The following PAPSS1 variants were observed in gnomAD, a reference collection of about 807,000 sequenced individuals.
PAPSS1 encodes the protein bifunctional 3'-phosphoadenosine 5'-phosphosulfate synthase 1.
PAPSS1 carries 50 observed loss-of-function variants against 72.0 expected under a neutral mutation model. The ratio of observed to expected loss-of-function variants is 0.69; its 90% CI spans 0.55 to 0.88. The LOEUF is 0.88. Ranked by LOEUF, PAPSS1 falls within the 40% of genes least tolerant of loss-of-function variation. The pLI is 0.00. For missense variants in PAPSS1, 657 were observed against 782.2 expected (o/e 0.84, Z 1.91); for synonymous variants, 261 against 263.6 (o/e 0.99, Z 0.09).
At chr4:107,626,316 C>T (rs770508043) in intron 11 of PAPSS1, among the ~76,000 whole-genome samples, 4 of 152,282 alleles carry the variant, frequency 2.6e-5, no homozygotes, top group Non-Finnish European at 5.9e-5. Context: ...CACTCTCACT[C>T]GTGTGTACTG....
chr4:107,693,820 GCAAA>G lies in PAPSS1; in HGVS notation c.358_361del (p.Phe120GlnfsTer5). On this transcript the variant is annotated frameshift_variant, in exon 3 of 12. Transcript: ENST00000265174. LOFTEE classifies it high-confidence loss of function. ...TGTGATGCACACTAAGCCAGCATCT[GCAAA>G]CAGTTTAGCAACTTCTGCGATGCGT... 6.2e-7 allele frequency: 1 copy of G among 1,613,914 alleles called. No homozygotes were observed. The highest frequency in any genetic ancestry group is 1.1e-5 in the South Asian group (1 of 91,084).
intron 2 of PAPSS1, among the ~76,000 whole-genome samples, chr4:107,696,474 C>G (rs1024071073): frequency 6.6e-6 from 1 of 152,124 alleles, no homozygotes; most frequent in Non-Finnish European, 1.5e-5. Context: ...AACACAGGAA[C>G]AGAACACCAA....
rs754005586 is a variant in PAPSS1 at position 107,654,777 on chromosome 4, T to C, written c.1019A>G (p.Asn340Ser). 20 of 1,614,028 alleles carry C rather than the reference T, an allele frequency of 1.2e-5. No homozygotes were observed. The highest frequency in any genetic ancestry group is 1.6e-5 in the Non-Finnish European group (19 of 1,179,936). ...YEGRRVAILR[N>S]PEFFEHRKEE... is the part of the protein sequence containing the mutation. ...TTTCCTGTGCTCAAAAAACTCTGGA[T>C]TGCGAAGAATGGCCACACGGCGGCC... Residue 340 changes from asparagine (N) to serine (S), a missense_variant, in exon 8 of 12, where the codon AAT becomes AGT. By Grantham distance (46) the Asn-to-Ser change is conservative (BLOSUM62 1). Transcript: ENST00000265174.
intron 2 of PAPSS1, among the ~76,000 whole-genome samples, chr4:107,698,231 T>A (rs955074099): frequency 1.3e-5 from 2 of 152,112 alleles, no homozygotes; most frequent in Admixed American, 6.6e-5. Flanking sequence ...ACTCAATAGC[T>A]TGGGCAGATC....
intron 3 of PAPSS1, among the ~76,000 whole-genome samples, chr4:107,692,796 A>C (rs1460534388): frequency 2.0e-5 from 3 of 152,058 alleles, no homozygotes; most frequent in Admixed American, 1.3e-4. Context: ...ATATATATAT[A>C]TCATGGAATA....
intron 1 of PAPSS1, among the ~76,000 whole-genome samples, chr4:107,703,619 T>C (rs1723262778): frequency 1.3e-5 from 2 of 152,168 alleles, no homozygotes; most frequent in Admixed American, 1.3e-4. Context: ...GACTGTCCTC[T>C]CCCCATCATG....
intron 5 of PAPSS1, among the ~76,000 whole-genome samples, chr4:107,681,152 T>C (rs1722580836): frequency 6.6e-6 from 1 of 151,898 alleles, no homozygotes; most frequent in African/African-American, 2.4e-5. Flanking sequence ...TGAAAGAGGT[T>C]TATTACAGGA....
intron 4 of PAPSS1, among the ~76,000 whole-genome samples, chr4:107,683,253 A>C (rs1722682536): frequency 6.6e-6 from 1 of 151,700 alleles, no homozygotes; most frequent in Non-Finnish European, 1.5e-5. Context: ...CATTTATTTC[A>C]TTTTTTTTCT....
At chr4:107,712,350 A>C (rs2726176) in intron 1 of PAPSS1, among the ~76,000 whole-genome samples, 126,132 of 152,152 alleles carry the variant, frequency 0.83, 54,020 homozygotes, top group South Asian at 0.95. Context: ...AGAAATCATT[A>C]ATCTGTAACA....
At position 107,645,994 on chromosome 4, in the gene PAPSS1, G is replaced by A. The variant is rs182036065; in HGVS notation, c.1238-924C>T. Among the ~76,000 whole-genome samples, 6 of 152,046 alleles carry A rather than the reference G, an allele frequency of 3.9e-5. No individual in the cohort carries two copies. In the East Asian group the frequency reaches 1.2e-3, roughly 29 times the overall value. On this transcript the variant is annotated intron_variant, in intron 9 of 11. Transcript: ENST00000265174. ...AACTGGGATTTTTTGTTTTTGTTTTGCCACATCATGTAAAATCCAAGATTT... is the reference window on the plus strand; with the variant it reads ...AACTGGGATTTTTTGTTTTTGTTTTACCACATCATGTAAAATCCAAGATTT...
intron 6 of PAPSS1, among the ~76,000 whole-genome samples, chr4:107,658,783 T>C (rs1315469199): frequency 1.3e-5 from 2 of 152,156 alleles, no homozygotes; most frequent in Admixed American, 6.6e-5. Flanking sequence ...CTAGATGGTA[T>C]CTGTTAGGGA....
At chr4:107,681,917 GT>G in intron 5 of PAPSS1, 97 bp downstream of exon 5, 1 of 657,208 alleles carries the variant, frequency 1.5e-6, no homozygotes, top group Non-Finnish European at 2.7e-6. Context: ...AAATACAAAT[GT>G]TACTCAATAT....
In PAPSS1 at chr4:107,697,080, T is replaced by C. The variant is rs574177260; in HGVS notation, c.176-3074A>G. ...ACTTAATTTGGGAGAAGCCAGTGAC[T>C]AAATCCCTTGAGACCACCATGCTAA... On this transcript the variant is annotated intron_variant, in intron 2 of 11. Transcript: ENST00000265174. 2.6e-5 allele frequency among the ~76,000 whole-genome samples: 4 copies of C among 152,074 alleles called. No individual in the cohort carries two copies. In the South Asian group the frequency reaches 8.3e-4, roughly 32 times the overall value.
chr4:107,632,661 C>G (rs1284771858), intron 10 of PAPSS1, among the ~76,000 whole-genome samples: 1 of 152,036 alleles, frequency 6.6e-6, no homozygotes, highest in Non-Finnish European at 1.5e-5. Context: ...TTTAAAGTGA[C>G]AGTAAAAGAT....
intron 10 of PAPSS1, among the ~76,000 whole-genome samples, chr4:107,642,373 T>C (rs1726571527): frequency 2.0e-5 from 3 of 152,188 alleles, no homozygotes; most frequent in South Asian, 4.1e-4. Context: ...CTATGTGATC[T>C]TGAACACAGT....
chr4:107,660,027 C>A lies in PAPSS1; in HGVS notation c.715G>T (p.Val239Leu), dbSNP rs1212567645. The A allele has an allele frequency of 6.2e-7, 1 of 1,606,146 alleles. No individual in the cohort carries two copies. The highest frequency in any genetic ancestry group is 8.5e-7 in the Non-Finnish European group (1 of 1,175,286). Reference protein sequence around the residue: ...DASYEVKELYVPENKLHLAKT... With the variant: ...DASYEVKELYLPENKLHLAKT... ...GCCAAATGAAGTTTATTTTCTGGCA[C>A]ATATAGTTCTTTTACTTCATAAGAT... Residue 239 changes from valine to leucine, a missense_variant, in exon 6 of 12, where the codon GTG becomes TTG. This residue lies in a region of PAPSS1 where 190 missense variants were observed against 176.7 expected (regional missense o/e 1.07). Coordinates refer to ENST00000265174, the MANE Select transcript of PAPSS1 (RefSeq NM_005443.5).
At chr4:107,700,008 T>C (rs1723167827) in intron 2 of PAPSS1, among the ~76,000 whole-genome samples, 1 of 152,140 alleles carries the variant, frequency 6.6e-6, no homozygotes, top group African/African-American at 2.4e-5. Flanking sequence ...TATTGACCCA[T>C]TAAGTGCTAT....
chr4:107,652,405 A>T (rs757733309), intron 9 of PAPSS1, among the ~76,000 whole-genome samples: 20 of 152,100 alleles, frequency 1.3e-4, no homozygotes, highest in Non-Finnish European at 2.9e-5. Flanking sequence ...TCATTTACCC[A>T]CCTCTGTGTC....
chr4:107,670,795 C>T (rs780571891), intron 5 of PAPSS1, among the ~76,000 whole-genome samples: 2 of 152,188 alleles, frequency 1.3e-5, no homozygotes, highest in Non-Finnish European at 2.9e-5. Context: ...GCTTCAGTTT[C>T]CCAAAGTGCT....
Sources: allele counts gnomAD v4.1 joint callset (sites outside exome capture counted in the v4.1 genomes callset), GRCh38; gene constraint gnomAD v4.1.1; regional missense constraint gnomAD v4.1.1; transcripts MANE v1.5; gene names NCBI Gene and HGNC (gene_info 2026-07-23, HGNC 2026-07-21).